Variants in TRPV1 observed in about 807,000 individuals in gnomAD.
The protein encoded by TRPV1 is transient receptor potential cation channel subfamily V member 1, also known as OTRPC1.
A neutral mutation model predicts 82.3 loss-of-function variants in TRPV1; 82 were observed. That is an observed-to-expected ratio of 1.00 (90% CI 0.83 to 1.20). The LOEUF is 1.20. TRPV1 is among the 50% of genes most tolerant of loss of function. The pLI, the probability that TRPV1 is intolerant of heterozygous loss-of-function variation, is 0.00. For synonymous variants in TRPV1, 515 were observed against 467.7 expected (o/e 1.10, Z -1.30); for missense variants, 1,067 against 1,096.8 (o/e 0.97, Z 0.38).
chr17:3,578,378 G>A (rs1383466216), intron 11 of TRPV1, among the ~76,000 whole-genome samples: 1 of 151,922 alleles, frequency 6.6e-6, no homozygotes, highest in African/African-American at 2.4e-5. Flanking sequence ...GATATATAGT[G>A]GCCAGGCGTG....
chr17:3,573,516 C>T (rs1407456389), intron 14 of TRPV1, 117 bp downstream of exon 14: 2 of 694,308 alleles, frequency 2.9e-6, no homozygotes, highest in South Asian at 1.8e-5. Flanking sequence ...GGCCCATACC[C>T]TCCTGGCCAC....
intron 8 of TRPV1, among the ~76,000 whole-genome samples, chr17:3,586,339 C>A (rs1012395473): frequency 6.6e-6 from 1 of 152,252 alleles, no homozygotes; most frequent in African/African-American, 2.4e-5. Context: ...TCACTTCTCA[C>A]GTTTCCAGCC....
At chr17:3,583,857 C>CCA (rs1198508057) in intron 9 of TRPV1, among the ~76,000 whole-genome samples, 1 of 152,198 alleles carries the variant, frequency 6.6e-6, no homozygotes, top group African/African-American at 2.4e-5. Context: ...AGAGACTGTG[C>CCA]CACACACACT....
rs758368457 is a variant in TRPV1, at chr17:3,590,130, G to A, written c.746-25C>T. 8.2e-6 allele frequency: 13 copies of A among 1,590,080 alleles called. No individual in the cohort carries two copies. The East Asian group carries it at 2.5e-4, about 30-fold the overall frequency. The stretch of plus-strand genomic sequence containing the variant: ...CCTGCATGAACACAGGGCCCAGGTG[G>A]GCCTCAGGAGTGAGATCCAGCTGGC... On this transcript the variant is annotated intron_variant, in intron 6 of 16. Coordinates refer to ENST00000572705, the MANE Select transcript of TRPV1 (RefSeq NM_080704.4).
At chr17:3,568,566 T>C (rs142929924) in intron 16 of TRPV1, among the ~76,000 whole-genome samples, 1,764 of 152,044 alleles carry the variant, frequency 0.012, 15 homozygotes, top group Middle Eastern at 0.031. Context: ...TTTGATAAAA[T>C]AGATTTTCGC....
chr17:3,580,025 C>CAGTATATAG (rs2074985688), intron 11 of TRPV1, among the ~76,000 whole-genome samples: 2 of 71,844 alleles, frequency 2.8e-5, no homozygotes, highest in Admixed American at 3.0e-4. Flanking sequence ...CAGGGCAGCC[C>CAGTATATAG]CCGCCCCGCC....
chr17:3,573,677 CAG>C lies in TRPV1; in HGVS notation c.2057_2058del (p.Thr686SerfsTer29). 1 of 1,614,026 alleles carries C rather than the reference CAG, an allele frequency of 6.2e-7. No homozygotes were observed. Among genetic ancestry groups the C allele is most frequent in the Non-Finnish European group, 8.5e-7 (1 of 1,179,994 alleles). ...TTGCTCTCCTGTGCGATCTTGTTGA[CAG>C]TCTCACCCATGAGGGCGATGAGCAT... ...LNMLIALMGETVNKIAQESKN... is the reference protein window; with the variant it reads ...LNMLIALMGEXVNKIAQESKN... On this transcript the variant is annotated frameshift_variant, in exon 14 of 17. Coordinates refer to ENST00000572705, the MANE Select transcript of TRPV1 (RefSeq NM_080704.4). LOFTEE classifies it high-confidence loss of function.
chr17:3,571,515 A>T lies in TRPV1; in HGVS notation c.2347+9T>A, dbSNP rs1334613958. 2 of 1,581,736 alleles carry T rather than the reference A, an allele frequency of 1.3e-6. No individual in the cohort carries two copies. The highest frequency in any genetic ancestry group is 2.7e-5 in the African/African-American group (2 of 74,226). The stretch of plus-strand genomic sequence containing the variant: ...AAGGAGGCGCCAAGCACCGGCCCTC[A>T]CGCCTCACCTCTGCTTGACCGCAGG... On this transcript the variant is annotated intron_variant, in intron 16 of 16. Transcript: ENST00000572705.
chr17:3,591,175 C>A lies in TRPV1; in HGVS notation c.451+12G>T. ...GGGCTGGGGCCCTCCCCGAGCCCAG[C>A]GCTGGGGCCACCTTTGAACTCGTTG... is the stretch of plus-strand genomic sequence containing the variant. On this transcript the variant is annotated intron_variant, in intron 4 of 16. Coordinates refer to ENST00000572705, the MANE Select transcript of TRPV1 (RefSeq NM_080704.4). 1 of 1,608,146 alleles carries A rather than the reference C, an allele frequency of 6.2e-7. No individual in the cohort carries two copies. Among genetic ancestry groups the A allele is most frequent in the East Asian group, 2.2e-5 (1 of 44,682 alleles).
intron 2 of TRPV1, among the ~76,000 whole-genome samples, chr17:3,605,465 G>T (rs2075290963): frequency 6.6e-6 from 1 of 151,488 alleles, no homozygotes; most frequent in African/African-American, 2.4e-5. Context: ...AGCTGAGATC[G>T]CACCACTGCA....
intron 13 of TRPV1, among the ~76,000 whole-genome samples, chr17:3,576,595 T>A (rs1429604417): frequency 1.4e-5 from 2 of 144,660 alleles, no homozygotes; most frequent in Non-Finnish European, 3.0e-5. Context: ...GAGCCTCCAG[T>A]GAGCCGAGAT....
chr17:3,597,444 G>A (rs960926451), intron 2 of TRPV1, among the ~76,000 whole-genome samples: 6 of 152,134 alleles, frequency 3.9e-5, no homozygotes, highest in Non-Finnish European at 7.3e-5. Flanking sequence ...ATGGAGGGTC[G>A]TGCTGCCCGC....
At position 3,566,506 on chromosome 17, in the gene TRPV1, T is replaced by TA. The variant is rs2074765139; in HGVS notation, c.*308dup. ...TGAAATTCTGTCTCAAAAAAAAGAA[T>TA]AAAATCAAAGAAAACAAGGGCCTAA... On this transcript the variant is annotated 3_prime_UTR_variant, in exon 17 of 17. Coordinates refer to ENST00000572705, the MANE Select transcript of TRPV1 (RefSeq NM_080704.4). 2 of 209,116 alleles carry TA rather than the reference T, an allele frequency of 9.6e-6. No individual in the cohort carries two copies. Among genetic ancestry groups the TA allele is most frequent in the Admixed American group, 5.9e-5 (1 of 16,960 alleles). 13.0% of individuals were successfully genotyped at this position (209,116 alleles called of 1,614,324 possible).
intron 2 of TRPV1, among the ~76,000 whole-genome samples, chr17:3,594,219 A>G (rs2075197702): frequency 6.6e-6 from 1 of 150,968 alleles, no homozygotes; most frequent in African/African-American, 2.5e-5. Flanking sequence ...AGACCCTTCT[A>G]ATTGCCATTT....
chr17:3,590,859 A>T (rs2075147524), intron 5 of TRPV1, 105 bp downstream of exon 5: 1 of 1,421,942 alleles, frequency 7.0e-7, no homozygotes, highest in South Asian at 1.5e-5. Context: ...TGGCTGGGAC[A>T]GGGAGTAAGG....
intron 2 of TRPV1, among the ~76,000 whole-genome samples, chr17:3,604,552 C>T (rs1240456948): frequency 1.3e-5 from 2 of 149,532 alleles, no homozygotes; most frequent in African/African-American, 5.0e-5. Context: ...GAGCCAAGAT[C>T]GCACCACTGC....
intron 8 of TRPV1, among the ~76,000 whole-genome samples, chr17:3,586,494 G>A (rs944599469): frequency 5.3e-5 from 8 of 152,336 alleles, no homozygotes; most frequent in Non-Finnish European, 8.8e-5. Context: ...CAAATAGGCC[G>A]GGTGTAGTGG....
intron 2 of TRPV1, chr17:3,592,886 C>CCACCCA (rs3837858): frequency 0.37 from 57,262 of 154,856 alleles, 12,962 homozygotes; most frequent in African/African-American, 0.65. Context: ...AGAGACTGGC[C>CCACCCA]CACCCACACC....
intron 7 of TRPV1, among the ~76,000 whole-genome samples, chr17:3,588,681 G>C (rs1310362035): frequency 1.3e-5 from 2 of 152,098 alleles, no homozygotes; most frequent in African/African-American, 4.8e-5. Flanking sequence ...GGGCATGGTG[G>C]CGTGTTCCTG....
Sources: allele counts gnomAD v4.1 joint callset (sites outside exome capture counted in the v4.1 genomes callset), GRCh38; gene constraint gnomAD v4.1.1; transcripts MANE v1.5; gene names NCBI Gene and HGNC (gene_info 2026-07-23, HGNC 2026-07-21).